The following MYO16 variants were observed in gnomAD, a reference collection of about 807,000 sequenced individuals.
MYO16 encodes myosin XVI, also known as unconventional myosin-XVI.
A neutral mutation model predicts 205.3 loss-of-function variants in MYO16; 94 were observed. The ratio of observed to expected loss-of-function variants is 0.46; its 90% CI spans 0.39 to 0.54. MYO16 has a LOEUF of 0.54. Among genes scored for constraint, MYO16 ranks in the 20% least tolerant of loss-of-function variants. The probability of loss-of-function intolerance (pLI) is 0.00; values close to 1 mark genes in which losing one functional copy is unlikely to be tolerated. For synonymous variants in MYO16, 988 were observed against 954.0 expected, an observed-to-expected ratio of 1.04 and a Z score of -0.66; for missense variants, 2,315 against 2,387.5, an observed-to-expected ratio of 0.97 and a Z score of 0.63.
At chr13:108,808,593 G>A (rs950397264) in intron 7 of MYO16, among the ~76,000 whole-genome samples, 4 of 151,990 alleles carry the variant, frequency 2.6e-5, no homozygotes, top group African/African-American at 4.8e-5. Flanking sequence ...GTTTACAGGC[G>A]TGAGCCACCA....
intron 28 of MYO16, among the ~76,000 whole-genome samples, chr13:109,106,055 T>A (rs1032059990): frequency 5.3e-5 from 8 of 152,254 alleles, no homozygotes; most frequent in African/African-American, 1.4e-4. Context: ...GTGGGATTTA[T>A]GTAACTTGTT....
At chr13:108,940,437 T>G (rs1256786927) in intron 16 of MYO16, among the ~76,000 whole-genome samples, 1 of 152,206 alleles carries the variant, frequency 6.6e-6, no homozygotes, top group Non-Finnish European at 1.5e-5. Context: ...ACTCTCTATG[T>G]GCATTCCAAT....
the MYO16 span, among the ~76,000 whole-genome samples, chr13:108,524,264 C>G: frequency 1.7e-4 from 25 of 151,476 alleles, no homozygotes; most frequent in Admixed American, 1.3e-3. Flanking sequence ...TGCGCCACTG[C>G]ACTCCACTCC....
At chr13:108,506,655 A>G in the MYO16 span, among the ~76,000 whole-genome samples, 1 of 152,054 alleles carries the variant, frequency 6.6e-6, no homozygotes, top group East Asian at 1.9e-4. Flanking sequence ...CTTCCTTCAC[A>G]ATTTGAATGT....
intron 20 of MYO16, among the ~76,000 whole-genome samples, chr13:108,965,394 C>A (rs906162556): frequency 2.6e-5 from 4 of 152,016 alleles, no homozygotes; most frequent in Non-Finnish European, 2.9e-5. Context: ...TGGTTCATAT[C>A]CCTAATCTTT....
At chr13:108,539,912 C>T in the MYO16 span, among the ~76,000 whole-genome samples, 2 of 152,054 alleles carry the variant, frequency 1.3e-5, no homozygotes, top group Non-Finnish European at 2.9e-5. Context: ...TACACTGGCA[C>T]AATTTTCAAG....
chr13:108,938,455 C>A (rs1184785101), intron 16 of MYO16, among the ~76,000 whole-genome samples: 1 of 152,196 alleles, frequency 6.6e-6, no homozygotes, highest in African/African-American at 2.4e-5. Flanking sequence ...TCTTGGCAGG[C>A]ACAAACCCCA....
the MYO16 span, among the ~76,000 whole-genome samples, chr13:108,505,771 G>A: frequency 6.6e-6 from 1 of 151,808 alleles, no homozygotes; most frequent in Non-Finnish European, 1.5e-5. Context: ...TTCATCATAT[G>A]TTTTTTTCTA....
the MYO16 span, among the ~76,000 whole-genome samples, chr13:108,506,100 T>TC: frequency 6.0e-5 from 9 of 149,946 alleles, no homozygotes; most frequent in African/African-American, 2.2e-4. Flanking sequence ...GTATAAGGCC[T>TC]CCAGCTTTAT....
At chr13:108,761,475 TTC>T (rs34831855) in intron 4 of MYO16, among the ~76,000 whole-genome samples, 83,611 of 151,838 alleles carry the variant, frequency 0.55, 23,232 homozygotes, top group East Asian at 0.63. Flanking sequence ...CTGTTATCAT[TTC>T]TGTTACCATC....
chr13:109,143,121 C>T (rs911387468), intron 32 of MYO16, among the ~76,000 whole-genome samples: 4 of 152,040 alleles, frequency 2.6e-5, no homozygotes, highest in African/African-American at 9.7e-5. Flanking sequence ...AAACTTTGAC[C>T]TACAGTGTAG....
Position 109,121,910 on chromosome 13 carries a change from G to A in MYO16, c.3535+1444G>A, listed in dbSNP as rs539757400. On this transcript the variant is annotated intron_variant, in intron 29 of 34. Transcript: ENST00000457511. The stretch of plus-strand genomic sequence containing the variant: ...GCTAACTCTTGGTAAAGGAGGCATC[G>A]TCTTTCTAGTGTGTGATGACCTGGC... Among the ~76,000 whole-genome samples the A allele has an allele frequency of 6.6e-5, 10 of 152,326 alleles. No individual in the cohort carries two copies. In the South Asian group the frequency reaches 1.0e-3, roughly 16 times the overall value.
intron 9 of MYO16, among the ~76,000 whole-genome samples, chr13:108,824,933 G>C (rs1039828383): frequency 5.9e-5 from 9 of 152,060 alleles, no homozygotes; most frequent in Admixed American, 5.9e-4. Flanking sequence ...TTCTCACAGA[G>C]AAAAGCTAAT....
intron 32 of MYO16, among the ~76,000 whole-genome samples, chr13:109,157,049 T>C (rs1444417675): frequency 6.6e-6 from 1 of 152,058 alleles, no homozygotes; most frequent in Non-Finnish European, 1.5e-5. Context: ...TGGGAGCTGC[T>C]GCTCTGAACC....
At chr13:109,118,989 G>C (rs1594101396) in intron 28 of MYO16, among the ~76,000 whole-genome samples, 1 of 152,160 alleles carries the variant, frequency 6.6e-6, no homozygotes, top group Admixed American at 6.5e-5. Flanking sequence ...TTTCCCCATT[G>C]ATCTAACTAA....
chr13:108,793,524 T>G lies in MYO16; in HGVS notation c.625T>G (p.Leu209Val). The change falls in exon 6 of 35, where the codon TTG becomes GTG. Residue 209 changes from leucine to valine, a missense_variant. Coordinates refer to ENST00000457511, the MANE Select transcript of MYO16 (RefSeq NM_001198950.3). ...LTYLDENGVD[L>V]TSLRQMKLQR... ...GCTCTTTCTCCCCACAGGAGTGGAT[T>G]TGACCTCACTGCGCCAGATGAAGCT... 1.2e-6 allele frequency: 2 copies of G among 1,613,850 alleles called. No individual in the cohort carries two copies. The highest frequency in any genetic ancestry group is 1.7e-6 in the Non-Finnish European group (2 of 1,179,848).
At chr13:108,528,586 T>C in the MYO16 span, among the ~76,000 whole-genome samples, 29 of 28,534 alleles carry the variant, frequency 1.0e-3, no homozygotes, top group South Asian at 1.7e-3. Context: ...CCCCTCCCCT[T>C]TCCCCTCCTC....
At chr13:108,837,150 A>C (rs111736673) in intron 9 of MYO16, among the ~76,000 whole-genome samples, 1 of 152,150 alleles carries the variant, frequency 6.6e-6, no homozygotes. Context: ...GGTTTCCCCC[A>C]TGCTGTTCTC....
chr13:108,887,249 A>C (rs926666479), intron 13 of MYO16, among the ~76,000 whole-genome samples: 1 of 152,176 alleles, frequency 6.6e-6, no homozygotes, highest in African/African-American at 2.4e-5. Context: ...AAGTCTGCAC[A>C]AGTGAGTGGA....
Sources: allele counts gnomAD v4.1 joint callset (sites outside exome capture counted in the v4.1 genomes callset), GRCh38; gene constraint gnomAD v4.1.1; transcripts MANE v1.5; gene names NCBI Gene and HGNC (gene_info 2026-07-23, HGNC 2026-07-21).